RABEP2: variants seen among roughly 807,000 people sequenced by gnomAD.
RABEP2 encodes the protein rab GTPase-binding effector protein 2.
RABEP2 carries 57 observed loss-of-function variants against 74.1 expected under a neutral mutation model. The ratio of observed to expected loss-of-function variants is 0.77; its 90% CI spans 0.62 to 0.96. The LOEUF (loss-of-function observed/expected upper bound fraction) is 0.96. Among genes scored for constraint, RABEP2 ranks in the 40% least tolerant of loss-of-function variants. The probability of loss-of-function intolerance (pLI) is 0.00; values close to 1 mark genes in which losing one functional copy is unlikely to be tolerated. For missense variants in RABEP2, 692 were observed against 756.3 expected (o/e 0.91, Z 1.00); for synonymous variants, 351 against 344.0 (o/e 1.02, Z -0.23).
At chr16:28,923,089 T>C (rs886778801) in intron 2 of RABEP2, among the ~76,000 whole-genome samples, 7 of 152,072 alleles carry the variant, frequency 4.6e-5, no homozygotes, top group Non-Finnish European at 1.0e-4. Flanking sequence ...TTTAGCTCAG[T>C]GCCTGGCACA....
intron 4 of RABEP2, 40 bp downstream of exon 4, chr16:28,914,632 G>A (rs755628227): frequency 5.5e-5 from 88 of 1,611,218 alleles, no homozygotes; most frequent in Non-Finnish European, 6.3e-5. Context: ...GGGTCCTCTG[G>A]CACCCCTCCT....
chr16:28,910,195 C>A (rs1046233593), intron 7 of RABEP2: 1 of 152,024 alleles, frequency 6.6e-6, no homozygotes, highest in Non-Finnish European at 1.5e-5. Context: ...TGGTTCCAGG[C>A]CGCCTACTGC....
At position 28,924,574 on chromosome 16, in the gene RABEP2, C is replaced by CCT; in HGVS notation, c.101_102dup (p.Ala35ArgfsTer24). ...AGCCGGCTGAGCTCACCTGACTCGG[C>CCT]CTCACCATTTGCCCCTTCCTGGGAC... On this transcript the variant is annotated frameshift_variant, in exon 2 of 13. Transcript: ENST00000358201. LOFTEE classifies it high-confidence loss of function. 6.2e-7 allele frequency: 1 copy of CCT among 1,613,362 alleles called. No homozygotes were observed. The highest frequency in any genetic ancestry group is 1.1e-5 in the South Asian group (1 of 91,086).
At chr16:28,910,672 G>A (rs1964299138) in intron 7 of RABEP2, 3 of 528,020 alleles carry the variant, frequency 5.7e-6, no homozygotes, top group Non-Finnish European at 1.0e-5. Context: ...ATTAGCTCAA[G>A]ATCAAACAGC....
chr16:28,906,908 G>A (rs1444775095), intron 8 of RABEP2, among the ~76,000 whole-genome samples: 2 of 152,124 alleles, frequency 1.3e-5, no homozygotes, highest in Non-Finnish European at 2.9e-5. Flanking sequence ...ACAGTGAATC[G>A]AGATGGTGCC....
At chr16:28,905,175 A>AATGCCCTGAGCGTCCACC in intron 12 of RABEP2, 131 bp from the exon 13 acceptor site, 2 of 753,956 alleles carry the variant, frequency 2.7e-6, no homozygotes, top group Non-Finnish European at 4.3e-6. Flanking sequence ...TGATGCCACA[A>AATGCCCTGAGCGTCCACC]ATGCCCTGAG....
chr16:28,918,787 G>C (rs1441010726), intron 3 of RABEP2, among the ~76,000 whole-genome samples: 2 of 152,028 alleles, frequency 1.3e-5, no homozygotes, highest in Non-Finnish European at 2.9e-5. Flanking sequence ...GAGTAGCTGG[G>C]ACTACAGGTG....
At chr16:28,919,298 G>A (rs1303352244) in intron 3 of RABEP2, among the ~76,000 whole-genome samples, 2 of 152,204 alleles carry the variant, frequency 1.3e-5, no homozygotes, top group Admixed American at 1.3e-4. Context: ...TGGGATTACA[G>A]GTGTGCGCCG....
At chr16:28,915,706 G>C (rs370340610) in intron 3 of RABEP2, among the ~76,000 whole-genome samples, 1 of 148,540 alleles carries the variant, frequency 6.7e-6, no homozygotes, top group African/African-American at 2.5e-5. Context: ...CACCACGCCC[G>C]GCTAATTTTT....
At position 28,906,028 on chromosome 16, in the gene RABEP2, CCCGCTGCA is replaced by C. The variant is rs1964224373; in HGVS notation, c.1406_1413del (p.Val469GlyfsTer51). 6.2e-7 allele frequency: 1 copy of C among 1,605,544 alleles called. No individual in the cohort carries two copies. Among genetic ancestry groups the C allele is most frequent in the Non-Finnish European group, 8.5e-7 (1 of 1,176,766 alleles). Reference sequence around the variant, plus strand: ...GTGCCCCTCCCCTCACCTGTCTCCTCCCGCTGCACCCTCAGCTGCCCCTCCAGGCTGGC... The same window carrying C: ...GTGCCCCTCCCCTCACCTGTCTCCTCCCCTCAGCTGCCCCTCCAGGCTGGC... On this transcript the variant is annotated frameshift_variant, in exon 9 of 13. Transcript: ENST00000358201. LOFTEE classifies it high-confidence loss of function.
Position 28,912,473 on chromosome 16 carries a change from C to T in RABEP2, c.895-1294G>A, listed in dbSNP as rs1350422927. Reference sequence around the variant, plus strand: ...ACCCAGGCTGGAGTGCAGTGGCGCACGATCTCAGCTCACTGCAGCATCGAC... The same window carrying T: ...ACCCAGGCTGGAGTGCAGTGGCGCATGATCTCAGCTCACTGCAGCATCGAC... On this transcript the variant is annotated intron_variant, in intron 5 of 12. Transcript: ENST00000358201. 6.8e-5 allele frequency among the ~76,000 whole-genome samples: 10 copies of T among 147,950 alleles called. No homozygotes were observed. In the East Asian group the frequency reaches 8.2e-4, roughly 12 times the overall value.
At chr16:28,911,589 AG>A (rs895682491) in intron 5 of RABEP2, among the ~76,000 whole-genome samples, 39 of 150,830 alleles carry the variant, frequency 2.6e-4, no homozygotes, top group African/African-American at 8.5e-4. Context: ...ACTTAAACCC[AG>A]GAAGCAGAGG....
chr16:28,913,461 A>G (rs567518327), intron 5 of RABEP2, among the ~76,000 whole-genome samples: 3 of 152,034 alleles, frequency 2.0e-5, no homozygotes, highest in South Asian at 4.1e-4. Context: ...TAAATATACA[A>G]TTCATTTTTT....
intron 3 of RABEP2, among the ~76,000 whole-genome samples, chr16:28,919,219 G>T (rs896535411): frequency 3.9e-5 from 6 of 152,172 alleles, no homozygotes; most frequent in Admixed American, 3.9e-4. Flanking sequence ...GCAGTGGCAC[G>T]ATCTTAGCTC....
At chr16:28,924,981 C>T (rs1474441931) in intron 1 of RABEP2, 122 bp downstream of exon 1, 3 of 1,170,736 alleles carry the variant, frequency 2.6e-6, no homozygotes, top group Non-Finnish European at 3.6e-6. Context: ...CGCCCCCTTT[C>T]CCGACGGCGT....
intron 7 of RABEP2, among the ~76,000 whole-genome samples, chr16:28,909,683 C>T (rs2152219117): frequency 6.6e-6 from 1 of 151,744 alleles, no homozygotes; most frequent in Non-Finnish European, 1.5e-5. Context: ...CACTGCACTC[C>T]AGCCTGGCCA....
In RABEP2 at chr16:28,905,397, C is replaced by T. The variant is rs746754897; in HGVS notation, c.1608G>A (p.Gln536=). 1.9e-6 allele frequency: 3 copies of T among 1,604,010 alleles called. No individual in the cohort carries two copies. The highest frequency in any genetic ancestry group is 2.6e-6 in the Non-Finnish European group (3 of 1,175,742). Reference sequence around the variant, plus strand: ...CTGGCGGGGCTGGGACAGGCCATACCTGCAGGGCCTGGGACAGTCGCACGA... The same window carrying T: ...CTGGCGGGGCTGGGACAGGCCATACTTGCAGGGCCTGGGACAGTCGCACGA... ...RDFVRLSQAL[Q]VRLERIRQAE... is the part of the protein sequence containing the mutation. The change falls in exon 12 of 13, where the codon CAG becomes CAA. Residue 536 remains glutamine (Q), a splice_region_variant and synonymous_variant. Transcript: ENST00000358201.
At position 28,919,912 on chromosome 16, in the gene RABEP2, G is replaced by A. The variant is rs750433887; in HGVS notation, c.306C>T (p.Thr102=). Residue 102 remains threonine, a synonymous_variant, in exon 3 of 13, where the codon ACC becomes ACT. Transcript: ENST00000358201. ...DSISSYEAQI[T]ALKQERQQQQ... ...GCTGCTGTCGCTCCTGCTTCAGGGC[G>A]GTGATCTGGGCTTCATAGCTGCTGA... 1.6e-5 allele frequency: 26 copies of A among 1,607,172 alleles called. 1 individual carries two copies. Among genetic ancestry groups the A allele is most frequent in the Middle Eastern group, 3.3e-4 (2 of 6,038 alleles).
chr16:28,908,878 C>G, intron 7 of RABEP2, 114 bp from the exon 8 acceptor site: 1 of 1,112,890 alleles, frequency 9.0e-7, no homozygotes, highest in Admixed American at 2.5e-5. Flanking sequence ...AGCCCATACC[C>G]TCTCTGTTCC....
Sources: allele counts gnomAD v4.1 joint callset (sites outside exome capture counted in the v4.1 genomes callset), GRCh38; gene constraint gnomAD v4.1.1; transcripts MANE v1.5; gene names NCBI Gene and HGNC (gene_info 2026-07-23, HGNC 2026-07-21).